Variants in DOCK8 observed in about 807,000 individuals in gnomAD.
DOCK8 encodes the protein dedicator of cytokinesis 8.
Under a neutral mutation model 245.6 loss-of-function variants are expected in DOCK8, and 141 were observed. The observed-to-expected ratio is 0.57, with a 90% CI of 0.50 to 0.66. The LOEUF is 0.66. Ranked by LOEUF, DOCK8 falls within the 30% of genes least tolerant of loss-of-function variation. The pLI is 0.00. For synonymous variants in DOCK8, 1,168 were observed against 970.2 expected (o/e 1.20, Z -3.79); for missense variants, 2,965 against 2,603.4 (o/e 1.14, Z -3.02).
rs2047926896 is a variant in DOCK8, at chr9:261,984, C to CG, written c.54-9643_54-9642insG. On this transcript the variant is annotated intron_variant, in intron 1 of 47. Transcript: ENST00000432829. ...TTATGTCCTTATATTTAAAATGTGT[C>CG]AAAAGAAAGAAGGAGAAAGAAAGAA... 9.1e-5 allele frequency among the ~76,000 whole-genome samples: 9 copies of CG among 98,782 alleles called. No individual in the cohort carries two copies. In the Admixed American group the frequency reaches 9.5e-4, roughly 10 times the overall value. The allele number at this position is 98,782 out of a possible 152,430, so 64.8% of individuals were successfully genotyped here.
At chr9:323,099 A>G (rs2050593449) in intron 7 of DOCK8, among the ~76,000 whole-genome samples, 1 of 151,798 alleles carries the variant, frequency 6.6e-6, no homozygotes, top group South Asian at 2.1e-4. Context: ...ATCTCAAAAA[A>G]AAAAAAAAAG....
chr9:337,848 T>C (rs1231930309), intron 12 of DOCK8, among the ~76,000 whole-genome samples: 2 of 152,214 alleles, frequency 1.3e-5, no homozygotes, highest in South Asian at 2.1e-4. Context: ...CACTACTGAA[T>C]TGTGCACTTA....
intron 46 of DOCK8, among the ~76,000 whole-genome samples, chr9:457,529 T>A (rs2057676769): frequency 6.6e-6 from 1 of 152,186 alleles, no homozygotes; most frequent in Non-Finnish European, 1.5e-5. Flanking sequence ...CTATCCATGA[T>A]TTGTCTGTCT....
At chr9:400,321 T>A (rs1270129385) in intron 26 of DOCK8, among the ~76,000 whole-genome samples, 10 of 39,648 alleles carry the variant, frequency 2.5e-4, no homozygotes, top group South Asian at 1.1e-3. Flanking sequence ...CACCACCACC[T>A]CCACCACCAC....
chr9:264,678 GATAC>G (rs997900670), intron 1 of DOCK8, among the ~76,000 whole-genome samples: 1 of 151,986 alleles, frequency 6.6e-6, no homozygotes, highest in Non-Finnish European at 1.5e-5. Flanking sequence ...TAGATATATA[GATAC>G]ATAAAGTTTG....
At chr9:295,159 T>TAA (rs879941352) in intron 4 of DOCK8, among the ~76,000 whole-genome samples, 1 of 142,348 alleles carries the variant, frequency 7.0e-6, no homozygotes, top group Non-Finnish European at 1.5e-5. Context: ...GATTCTGTCT[T>TAA]AAAAAAAAAA....
In DOCK8 at chr9:399,246, A is replaced by G. The variant is rs778203707; in HGVS notation, c.3221A>G (p.His1074Arg). 1 of 1,612,844 alleles carries G rather than the reference A, an allele frequency of 6.2e-7. No individual in the cohort carries two copies. Among genetic ancestry groups the G allele is most frequent in the Non-Finnish European group, 8.5e-7 (1 of 1,179,400 alleles). The change falls in exon 26 of 48, where the codon CAT (histidine) becomes CGT (arginine). Residue 1074 changes from histidine to arginine, a missense_variant. His to Arg is a conservative substitution (Grantham distance 29). Coordinates refer to ENST00000432829, the MANE Select transcript of DOCK8 (RefSeq NM_203447.4). ...DRGFVFNLIR[H>R]YCSQLSAKLS... ...GGCTTTGTGTTTAACCTCATCAGAC[A>G]TTATTGCAGCCAGGTGAGTGTCCCC...
chr9:244,857 A>G (rs1371694685), intron 1 of DOCK8, among the ~76,000 whole-genome samples: 1 of 152,154 alleles, frequency 6.6e-6, no homozygotes, highest in African/African-American at 2.4e-5. Context: ...TGATCATGAC[A>G]GATGGGCCAG....
intron 45 of DOCK8, among the ~76,000 whole-genome samples, 192 bp downstream of exon 45, chr9:450,119 A>G (rs976968142): frequency 6.6e-5 from 10 of 152,056 alleles, no homozygotes; most frequent in Admixed American, 2.6e-4. Flanking sequence ...TCATGTAACA[A>G]CCCCAGGTAA....
chr9:243,303 A>G (rs2047421469), intron 1 of DOCK8, among the ~76,000 whole-genome samples: 1 of 152,136 alleles, frequency 6.6e-6, no homozygotes, highest in African/African-American at 2.4e-5. Flanking sequence ...AAACCAGTGC[A>G]TGTTTCTGAC....
chr9:255,817 CATA>C (rs915923033), intron 1 of DOCK8, among the ~76,000 whole-genome samples: 2 of 151,408 alleles, frequency 1.3e-5, no homozygotes, highest in African/African-American at 4.9e-5. Flanking sequence ...ATACAACAAA[CATA>C]GTATTATTTT....
At chr9:224,709 A>C (rs1265238975) in intron 1 of DOCK8, among the ~76,000 whole-genome samples, 2 of 152,110 alleles carry the variant, frequency 1.3e-5, no homozygotes, top group African/African-American at 4.8e-5. Flanking sequence ...GTCCTCAGGA[A>C]ATTACACTTG....
intron 28 of DOCK8, among the ~76,000 whole-genome samples, chr9:411,747 A>G (rs1463664410): frequency 6.6e-6 from 1 of 152,208 alleles, no homozygotes; most frequent in Non-Finnish European, 1.5e-5. Flanking sequence ...CACCATGGCT[A>G]AGTAGGATTT....
chr9:262,978 G>A (rs1031116685), intron 1 of DOCK8, among the ~76,000 whole-genome samples: 3 of 152,232 alleles, frequency 2.0e-5, no homozygotes, highest in African/African-American at 7.2e-5. Flanking sequence ...AGGCCGAGGC[G>A]GGTGGATCAC....
intron 40 of DOCK8, 75 bp downstream of exon 40, chr9:439,463 T>G: frequency 6.3e-7 from 1 of 1,588,750 alleles, no homozygotes; most frequent in Non-Finnish European, 8.6e-7. Context: ...GAACACCTGG[T>G]CTTAATGGCC....
At chr9:433,350 G>T (rs1333568248) in intron 37 of DOCK8, among the ~76,000 whole-genome samples, 2 of 152,178 alleles carry the variant, frequency 1.3e-5, no homozygotes, top group Non-Finnish European at 2.9e-5. Flanking sequence ...AGGGTCTCTA[G>T]ATCAAGCCAT....
intron 4 of DOCK8, among the ~76,000 whole-genome samples, chr9:299,107 T>C (rs934111444): frequency 3.9e-5 from 6 of 152,210 alleles, no homozygotes; most frequent in Admixed American, 2.0e-4. Context: ...TATTTGCATA[T>C]ATTTGTCACT....
At chr9:455,103 C>G (rs2057593617) in intron 46 of DOCK8, among the ~76,000 whole-genome samples, 1 of 152,192 alleles carries the variant, frequency 6.6e-6, no homozygotes, top group Non-Finnish European at 1.5e-5. Flanking sequence ...CCACCTTTCT[C>G]CCCACTGGCT....
At chr9:223,629 T>G (rs977212909) in intron 1 of DOCK8, among the ~76,000 whole-genome samples, 3 of 152,260 alleles carry the variant, frequency 2.0e-5, no homozygotes, top group African/African-American at 7.2e-5. Flanking sequence ...AATCTTTTTT[T>G]TTTTTTAGGG....
Sources: allele counts gnomAD v4.1 joint callset (sites outside exome capture counted in the v4.1 genomes callset), GRCh38; gene constraint gnomAD v4.1.1; transcripts MANE v1.5; gene names NCBI Gene and HGNC (gene_info 2026-07-23, HGNC 2026-07-21).